Variants in DPP6 observed in about 807,000 individuals in gnomAD.
DPP6 encodes the protein dipeptidyl peptidase like 6, also known as A-type potassium channel modulatory protein DPP6.
Under a neutral mutation model 122.6 loss-of-function variants are expected in DPP6, and 69 were observed. The observed-to-expected ratio is 0.56, with a 90% CI of 0.46 to 0.69. The LOEUF is 0.69. Ranked by LOEUF, DPP6 falls within the 30% of genes least tolerant of loss-of-function variation. The probability of loss-of-function intolerance (pLI) is 0.00; values close to 1 mark genes in which losing one functional copy is unlikely to be tolerated. For missense variants in DPP6, 928 were observed against 1,116.9 expected, an observed-to-expected ratio of 0.83 and a Z score of 2.41; for synonymous variants, 418 against 433.1, an observed-to-expected ratio of 0.97 and a Z score of 0.43.
At chr7:154,635,023 G>T (rs1835651053) in intron 5 of DPP6, among the ~76,000 whole-genome samples, 1 of 152,118 alleles carries the variant, frequency 6.6e-6, no homozygotes, top group South Asian at 2.1e-4. Context: ...GCTGACAACA[G>T]CGAACACGGA....
At chr7:153,778,920 G>A in the DPP6 span, among the ~76,000 whole-genome samples, 2 of 148,898 alleles carry the variant, frequency 1.3e-5, no homozygotes, top group Middle Eastern at 3.4e-3. Context: ...CATTCCAAAT[G>A]AAACAACTGA....
chr7:153,823,601 A>G, the DPP6 span, among the ~76,000 whole-genome samples: 1 of 89,070 alleles, frequency 1.1e-5, no homozygotes, highest in Non-Finnish European at 2.4e-5. Flanking sequence ...TGCCTTTTCC[A>G]GAATATCAGG....
At chr7:154,398,664 C>T (rs1815307345) in intron 1 of DPP6, among the ~76,000 whole-genome samples, 1 of 152,122 alleles carries the variant, frequency 6.6e-6, no homozygotes, top group Non-Finnish European at 1.5e-5. Context: ...CAAAGTGAAA[C>T]ACACACAACT....
chr7:154,402,672 G>A (rs1258708629), intron 1 of DPP6, among the ~76,000 whole-genome samples: 11 of 149,376 alleles, frequency 7.4e-5, no homozygotes, highest in Admixed American at 1.3e-4. Context: ...TGGGTGCAGC[G>A]CACCAGCATG....
At chr7:154,825,535 C>T (rs1305060619) in intron 16 of DPP6, among the ~76,000 whole-genome samples, 5 of 152,314 alleles carry the variant, frequency 3.3e-5, no homozygotes, top group Non-Finnish European at 1.5e-5. Flanking sequence ...TCGTCACCGA[C>T]GTGAGCATCT....
At chr7:154,748,884 ATTT>A (rs1843168015) in intron 8 of DPP6, among the ~76,000 whole-genome samples, 1 of 152,234 alleles carries the variant, frequency 6.6e-6, no homozygotes, top group Non-Finnish European at 1.5e-5. Flanking sequence ...GGCTTGCTGC[ATTT>A]GGGTATTTCC....
the DPP6 span, among the ~76,000 whole-genome samples, chr7:153,859,116 A>G: frequency 6.6e-6 from 1 of 152,214 alleles, no homozygotes; most frequent in South Asian, 2.1e-4. Flanking sequence ...AACAGCAATG[A>G]TGAACAAAAC....
chr7:154,446,866 T>C (rs893561760), intron 2 of DPP6, among the ~76,000 whole-genome samples: 5 of 152,112 alleles, frequency 3.3e-5, no homozygotes, highest in East Asian at 1.9e-4. Flanking sequence ...AGAAGTGCTA[T>C]TGGAGTTGAG....
intron 1 of DPP6, among the ~76,000 whole-genome samples, chr7:154,221,923 A>C (rs1563333901): frequency 6.6e-6 from 1 of 152,208 alleles, no homozygotes; most frequent in East Asian, 1.9e-4. Context: ...GGTAAATTGA[A>C]AATTTAATTT....
intron 12 of DPP6, among the ~76,000 whole-genome samples, chr7:154,800,579 G>A (rs1237750436): frequency 6.6e-6 from 1 of 152,210 alleles, no homozygotes; most frequent in Non-Finnish European, 1.5e-5. Flanking sequence ...CGGGGACCAG[G>A]CAGAGATGGT....
rs952066192 is a variant in DPP6, at chr7:154,830,272, C to T, written c.1666+23160C>T. ...TCTGGCTTCCTCTGTCTATCGATTG[C>T]TCTCACAAGGTCTCTGCTCAGCCAC... On this transcript the variant is annotated intron_variant, in intron 16 of 25. Transcript: ENST00000377770. 3.3e-5 allele frequency among the ~76,000 whole-genome samples: 5 copies of T among 152,164 alleles called. No individual in the cohort carries two copies. The East Asian group carries it at 9.6e-4, about 29-fold the overall frequency.
chr7:154,684,067 A>G (rs185642784), intron 7 of DPP6, among the ~76,000 whole-genome samples: 2 of 152,160 alleles, frequency 1.3e-5, no homozygotes, highest in East Asian at 1.9e-4. Context: ...TGGGGGTCTC[A>G]CTGTGTTGCC....
the DPP6 span, among the ~76,000 whole-genome samples, chr7:153,841,783 G>A: frequency 1.3e-5 from 2 of 152,206 alleles, no homozygotes; most frequent in South Asian, 2.1e-4. Flanking sequence ...ATGCTGAAAT[G>A]AGTAGCAATA....
chr7:154,781,560 T>A (rs142802848), intron 10 of DPP6, among the ~76,000 whole-genome samples: 492 of 152,334 alleles, frequency 3.2e-3, no homozygotes, highest in African/African-American at 0.011. Flanking sequence ...TGCCGGCAGA[T>A]GTTTTTATGC....
At chr7:154,708,055 T>C (rs1197679985) in intron 7 of DPP6, among the ~76,000 whole-genome samples, 1 of 152,064 alleles carries the variant, frequency 6.6e-6, no homozygotes, top group African/African-American at 2.4e-5. Flanking sequence ...ATATAGGGAA[T>C]GTGAGGGCAA....
chr7:154,036,180 A>G (rs1799517433), intron 1 of DPP6, among the ~76,000 whole-genome samples: 1 of 151,206 alleles, frequency 6.6e-6, no homozygotes, highest in African/African-American at 2.4e-5. Context: ...GTGTGATCTC[A>G]GTGTACTGCA....
chr7:154,288,817 T>C (rs1469011891), intron 1 of DPP6, among the ~76,000 whole-genome samples: 1 of 152,216 alleles, frequency 6.6e-6, no homozygotes, highest in Non-Finnish European at 1.5e-5. Context: ...TTTGTTACGC[T>C]GACATTCTAG....
chr7:154,510,131 T>G (rs990507991), intron 3 of DPP6, among the ~76,000 whole-genome samples: 1 of 152,122 alleles, frequency 6.6e-6, no homozygotes. Context: ...TGAAAGGTAA[T>G]ATATGCATTA....
At chr7:154,873,560 T>C (rs1056076196) in intron 19 of DPP6, among the ~76,000 whole-genome samples, 1 of 152,196 alleles carries the variant, frequency 6.6e-6, no homozygotes, top group Non-Finnish European at 1.5e-5. Context: ...CCCTGGTGTC[T>C]TGCCCTGCTC....
Sources: allele counts gnomAD v4.1 joint callset (sites outside exome capture counted in the v4.1 genomes callset), GRCh38; gene constraint gnomAD v4.1.1; transcripts MANE v1.5; gene names NCBI Gene and HGNC (gene_info 2026-07-23, HGNC 2026-07-21).